CD48: variants seen among roughly 807,000 people sequenced by gnomAD.
CD48 encodes CD48 molecule.
A neutral mutation model predicts 22.0 loss-of-function variants in CD48; 20 were observed. That is an observed-to-expected ratio of 0.91 (90% CI 0.64 to 1.32). CD48 has a LOEUF of 1.32. CD48 is among the 40% of genes most tolerant of loss of function. The pLI, the probability that CD48 is intolerant of heterozygous loss-of-function variation, is 0.00. For synonymous variants in CD48, 110 were observed against 110.1 expected (o/e 1.00, Z 0.01); for missense variants, 307 against 286.5 (o/e 1.07, Z -0.52).
chr1:160,705,913 T>G (rs1662775957), intron 1 of CD48, among the ~76,000 whole-genome samples: 1 of 152,090 alleles, frequency 6.6e-6, no homozygotes, highest in African/African-American at 2.4e-5. Context: ...TTGCCAAATG[T>G]CCCTTGAGGG....
At chr1:160,707,147 G>A (rs1008686565) in intron 1 of CD48, among the ~76,000 whole-genome samples, 2 of 152,128 alleles carry the variant, frequency 1.3e-5, no homozygotes, top group African/African-American at 2.4e-5. Context: ...GTGAGAAGCT[G>A]AGCAGGCTAC....
chr1:160,699,758 C>T (rs1196278496), intron 1 of CD48: 4 of 151,910 alleles, frequency 2.6e-5, no homozygotes, highest in Admixed American at 1.3e-4. Flanking sequence ...CCTTTGTTCA[C>T]GTGTTTGTCT....
chr1:160,696,796 TTTA>T (rs1662443246), intron 1 of CD48, among the ~76,000 whole-genome samples: 1 of 138,684 alleles, frequency 7.2e-6, no homozygotes, highest in Non-Finnish European at 1.6e-5. Flanking sequence ...TTAAAAAACA[TTTA>T]TTGTCTTGTT....
rs1283086786 is a variant in CD48 at position 160,681,620 on chromosome 1, G to A, written c.386-152C>T. On this transcript the variant is annotated intron_variant, in intron 2 of 3. Coordinates refer to ENST00000368046, the MANE Select transcript of CD48 (RefSeq NM_001778.4). ...GAAGTTCTACAGAGGGAGCCAGTGA[G>A]CAGCCTTGACCTCCTGAGGCCTCAC... 4.0e-6 allele frequency: 4 copies of A among 992,894 alleles called. No individual in the cohort carries two copies. In the African/African-American group the frequency reaches 4.9e-5, roughly 12 times the overall value. The allele number at this position is 992,894 out of a possible 1,614,324, so 61.5% of individuals were successfully genotyped here.
intron 1 of CD48, among the ~76,000 whole-genome samples, chr1:160,689,344 G>T (rs1377566407): frequency 6.6e-6 from 1 of 151,124 alleles, no homozygotes; most frequent in Non-Finnish European, 1.5e-5. Flanking sequence ...CTATCTAGGT[G>T]AGAGGTCGAA....
chr1:160,691,013 A>C (rs1662192319), intron 1 of CD48, among the ~76,000 whole-genome samples: 1 of 152,204 alleles, frequency 6.6e-6, no homozygotes, highest in Non-Finnish European at 1.5e-5. Context: ...AGATGCTTGA[A>C]GGCAGCATGC....
intron 1 of CD48, among the ~76,000 whole-genome samples, chr1:160,703,263 AT>A (rs1434783720): frequency 6.6e-6 from 1 of 152,228 alleles, no homozygotes; most frequent in Non-Finnish European, 1.5e-5. Context: ...AAAGGTCCCA[AT>A]CTAAGGGAAG....
intron 1 of CD48, among the ~76,000 whole-genome samples, chr1:160,700,034 G>A (rs536503791): frequency 1.3e-5 from 2 of 152,126 alleles, no homozygotes; most frequent in Admixed American, 1.3e-4. Flanking sequence ...ATATTTAAAG[G>A]TTTGGGGAAA....
intron 1 of CD48, among the ~76,000 whole-genome samples, chr1:160,696,787 T>TA (rs1233983808): frequency 9.2e-5 from 13 of 142,072 alleles, no homozygotes; most frequent in African/African-American, 2.3e-4. Context: ...CTTCCCATGT[T>TA]AAAAAACATT....
chr1:160,680,951 G>A, intron 3 of CD48: 1 of 1,435,730 alleles, frequency 7.0e-7, no homozygotes, highest in Non-Finnish European at 9.1e-7. Context: ...GGAGAGGGAA[G>A]AGGAGTATCA....
chr1:160,685,891 T>G (rs983124464), intron 1 of CD48, among the ~76,000 whole-genome samples: 5 of 152,190 alleles, frequency 3.3e-5, no homozygotes, highest in African/African-American at 1.2e-4. Context: ...CAACAAAGTA[T>G]GGACAGTCAT....
At position 160,685,170 on chromosome 1, in the gene CD48, G is replaced by C; in HGVS notation, c.102C>G (p.Thr34=). 1 of 1,609,934 alleles carries C rather than the reference G, an allele frequency of 6.2e-7. No homozygotes were observed. The highest frequency in any genetic ancestry group is 8.5e-7 in the Non-Finnish European group (1 of 1,176,844). ...TSIQGHLVHM[T]VVSGSNVTLN... ...GAGTCACGTTGCTGCCGGAGACCAC[G>C]GTCATATGTACCAAGTGACCTGCCA... The change falls in exon 2 of 4, where the codon ACC becomes ACG. Residue 34 remains threonine, a synonymous_variant. Coordinates refer to ENST00000368046, the MANE Select transcript of CD48 (RefSeq NM_001778.4).
At chr1:160,698,239 T>C (rs1467235484) in intron 1 of CD48, among the ~76,000 whole-genome samples, 2 of 152,156 alleles carry the variant, frequency 1.3e-5, no homozygotes, top group Non-Finnish European at 2.9e-5. Flanking sequence ...CTTGCATTGA[T>C]TCAACTTTTA....
chr1:160,679,045 G>A lies in CD48; in HGVS notation c.*7C>T, dbSNP rs1166653891. The A allele has an allele frequency of 6.2e-7, 1 of 1,609,912 alleles. No homozygotes were observed. Among genetic ancestry groups the A allele is most frequent in the Admixed American group, 1.7e-5 (1 of 60,028 alleles). The stretch of plus-strand genomic sequence containing the variant: ...TTGAAGTTTCGCTTGAGTTAAAAGA[G>A]CTCATCTCAGGTAAGTAACAGGCCA... On this transcript the variant is annotated 3_prime_UTR_variant, in exon 4 of 4. Transcript: ENST00000368046.
intron 1 of CD48, among the ~76,000 whole-genome samples, chr1:160,700,816 A>G (rs1261476261): frequency 6.6e-6 from 1 of 152,160 alleles, no homozygotes; most frequent in African/African-American, 2.4e-5. Flanking sequence ...TTGAGGTTGA[A>G]TACATTGTTT....
chr1:160,680,776 A>C, intron 3 of CD48: 1 of 1,081,996 alleles, frequency 9.2e-7, no homozygotes, highest in Non-Finnish European at 1.1e-6. Flanking sequence ...TTGGCGGTCT[A>C]ATGACCTCGG....
intron 1 of CD48, among the ~76,000 whole-genome samples, chr1:160,702,606 C>T (rs145694591): frequency 3.9e-5 from 6 of 152,196 alleles, no homozygotes; most frequent in African/African-American, 1.4e-4. Context: ...TTTGTTGAAC[C>T]GACTTGGCCG....
At chr1:160,692,659 T>C (rs1304175625) in intron 1 of CD48, among the ~76,000 whole-genome samples, 1 of 151,942 alleles carries the variant, frequency 6.6e-6, no homozygotes, top group Non-Finnish European at 1.5e-5. Context: ...CACCACCTAG[T>C]AGACAGGGTA....
At chr1:160,710,397 C>T (rs543718709) in intron 1 of CD48, among the ~76,000 whole-genome samples, 4 of 152,094 alleles carry the variant, frequency 2.6e-5, no homozygotes, top group East Asian at 1.9e-4. Flanking sequence ...GGTTATAGCC[C>T]GGGTGTTATA....
Sources: allele counts gnomAD v4.1 joint callset (sites outside exome capture counted in the v4.1 genomes callset), GRCh38; gene constraint gnomAD v4.1.1; transcripts MANE v1.5; gene names NCBI Gene and HGNC (gene_info 2026-07-23, HGNC 2026-07-21).